Variants in ATRNL1 observed in about 807,000 individuals in gnomAD.
ATRNL1 encodes the protein attractin like 1.
ATRNL1 carries 95 observed loss-of-function variants against 182.7 expected under a neutral mutation model. The ratio of observed to expected loss-of-function variants is 0.52; its 90% CI spans 0.44 to 0.62. The LOEUF (loss-of-function observed/expected upper bound fraction) is 0.62, where lower values mean the gene tolerates loss of function less well. Among genes scored for constraint, ATRNL1 ranks in the 20% least tolerant of loss-of-function variants. ATRNL1 has a pLI of 0.00. For missense variants in ATRNL1, 1,471 were observed against 1,679.5 expected, an observed-to-expected ratio of 0.88 and a Z score of 2.17; for synonymous variants, 576 against 568.3, an observed-to-expected ratio of 1.01 and a Z score of -0.19.
In ATRNL1 at chr10:115,523,420, C is replaced by T. The variant is rs186714198; in HGVS notation, c.3716+4096C>T. On this transcript the variant is annotated intron_variant, in intron 25 of 28. Transcript: ENST00000355044. ...CTTTCTTTAACAAGTGTTTGCTACCCCAGCACTCTTCTGAAAACACTCTTT... is the reference window on the plus strand; with the variant it reads ...CTTTCTTTAACAAGTGTTTGCTACCTCAGCACTCTTCTGAAAACACTCTTT... 2.2e-3 allele frequency among the ~76,000 whole-genome samples: 332 copies of T among 152,208 alleles called. 1 individual carries two copies. Among genetic ancestry groups the T allele is most frequent in the African/African-American group, 7.8e-3 (323 of 41,540 alleles).
intron 23 of ATRNL1, 112 bp from the exon 24 acceptor site, chr10:115,469,060 G>T: frequency 2.6e-6 from 1 of 380,280 alleles, no homozygotes; most frequent in Non-Finnish European, 4.6e-6. Context: ...ATTATAAACA[G>T]TATATTTTGA....
chr10:115,438,345 C>A (rs781833084), intron 21 of ATRNL1, among the ~76,000 whole-genome samples: 1 of 151,870 alleles, frequency 6.6e-6, no homozygotes, highest in Non-Finnish European at 1.5e-5. Flanking sequence ...ACATTATTTC[C>A]TGCAGATTTT....
At chr10:115,369,258 G>A (rs1323329763) in intron 19 of ATRNL1, among the ~76,000 whole-genome samples, 3 of 148,340 alleles carry the variant, frequency 2.0e-5, no homozygotes, top group African/African-American at 7.5e-5. Context: ...GATAGGGGTT[G>A]TGTGAGGGGG....
rs1230881207 is a variant in ATRNL1, at chr10:115,646,806, TA to T, written c.3796-80441del. Among the ~76,000 whole-genome samples the T allele has an allele frequency of 4.6e-5, 7 of 152,192 alleles. No individual in the cohort carries two copies. The East Asian group carries it at 1.4e-3, about 29-fold the overall frequency. ...CTAAATAGCATGTATGAATTTTTTT[TA>T]TTATACTTTAAGTTCTAGGGTACAT... is the stretch of plus-strand genomic sequence containing the variant. On this transcript the variant is annotated intron_variant, in intron 26 of 28. Transcript: ENST00000355044.
chr10:115,135,925 T>G (rs1378586707), intron 5 of ATRNL1, among the ~76,000 whole-genome samples: 2 of 80,180 alleles, frequency 2.5e-5, no homozygotes, highest in African/African-American at 8.3e-5. Context: ...AGTGGCATGA[T>G]CGCAGCTCTT....
At chr10:115,108,382 G>C (rs1554866751) in intron 1 of ATRNL1, among the ~76,000 whole-genome samples, 1 of 152,162 alleles carries the variant, frequency 6.6e-6, no homozygotes, top group African/African-American at 2.4e-5. Context: ...GGTTTAATAG[G>C]TAGAAGATAA....
At chr10:115,158,978 T>G (rs773627070) in intron 5 of ATRNL1, among the ~76,000 whole-genome samples, 29 of 151,686 alleles carry the variant, frequency 1.9e-4, no homozygotes, top group Non-Finnish European at 4.0e-4. Context: ...TTTAAAAGAT[T>G]TGTAAAAAGT....
chr10:115,877,253 A>C (rs1555107467), intron 28 of ATRNL1, among the ~76,000 whole-genome samples: 32 of 152,192 alleles, frequency 2.1e-4, no homozygotes. Context: ...GTGAAAAGAG[A>C]TATCACTTCT....
At chr10:115,151,711 T>A (rs1846240998) in intron 5 of ATRNL1, among the ~76,000 whole-genome samples, 1 of 151,560 alleles carries the variant, frequency 6.6e-6, no homozygotes, top group African/African-American at 2.4e-5. Context: ...GTGCAGAAGC[T>A]GTTTAGTTAG....
At chr10:115,206,844 A>G (rs1300900043) in intron 8 of ATRNL1, among the ~76,000 whole-genome samples, 1 of 151,924 alleles carries the variant, frequency 6.6e-6, no homozygotes, top group Non-Finnish European at 1.5e-5. Flanking sequence ...CCAGCCCCTC[A>G]CCTGCCGACA....
intron 27 of ATRNL1, among the ~76,000 whole-genome samples, chr10:115,780,751 G>A (rs1474525175): frequency 6.6e-6 from 1 of 152,112 alleles, no homozygotes; most frequent in Non-Finnish European, 1.5e-5. Context: ...TCCAGGCCAG[G>A]CAAGATTCAT....
intron 28 of ATRNL1, among the ~76,000 whole-genome samples, chr10:115,862,630 G>A (rs1380533515): frequency 5.3e-5 from 8 of 152,322 alleles, no homozygotes; most frequent in South Asian, 4.1e-4. Context: ...AACCGTGTTG[G>A]AGGGGAATTT....
intron 19 of ATRNL1, among the ~76,000 whole-genome samples, chr10:115,385,805 G>C (rs1244071448): frequency 1.3e-5 from 2 of 152,036 alleles, no homozygotes; most frequent in Non-Finnish European, 2.9e-5. Context: ...AGCACCATTT[G>C]TTGAAATGGC....
intron 26 of ATRNL1, among the ~76,000 whole-genome samples, chr10:115,706,418 T>G (rs545007377): frequency 1.1e-4 from 17 of 151,840 alleles, no homozygotes; most frequent in Non-Finnish European, 1.8e-4. Context: ...ATCTGCAAAG[T>G]CTCTTTTGCC....
At position 115,302,026 on chromosome 10, in the gene ATRNL1, AAAC is replaced by A; in HGVS notation, c.2802_2804del (p.Gln934_Thr935delinsHis). On this transcript the variant is annotated inframe_deletion, in exon 17 of 29. Transcript: ENST00000355044. ...CCATATGGACAATGTCTAGAGTGGC[AAAC>A]TGCCACCTGCTCCCGTAAGTATTTA... 3 of 1,612,666 alleles carry A rather than the reference AAAC, an allele frequency of 1.9e-6. No individual in the cohort carries two copies. The highest frequency in any genetic ancestry group is 2.5e-6 in the Non-Finnish European group (3 of 1,179,406).
chr10:115,130,007 A>G (rs1175415904), intron 5 of ATRNL1, among the ~76,000 whole-genome samples: 1 of 152,212 alleles, frequency 6.6e-6, no homozygotes, highest in Non-Finnish European at 1.5e-5. Flanking sequence ...GACTATTTTT[A>G]AAAGTATTTT....
chr10:115,248,312 A>C (rs1425359053), intron 10 of ATRNL1, among the ~76,000 whole-genome samples: 2 of 152,172 alleles, frequency 1.3e-5, no homozygotes, highest in Non-Finnish European at 2.9e-5. Context: ...CTCAGTAAAA[A>C]ATGTAAAAAA....
intron 26 of ATRNL1, among the ~76,000 whole-genome samples, chr10:115,554,135 T>C (rs1386487729): frequency 6.6e-6 from 1 of 151,588 alleles, no homozygotes; most frequent in Non-Finnish European, 1.5e-5. Context: ...AAGCTTTCCA[T>C]TAAACACATG....
At chr10:115,542,691 G>A (rs1034491907) in intron 25 of ATRNL1, among the ~76,000 whole-genome samples, 2 of 152,152 alleles carry the variant, frequency 1.3e-5, no homozygotes, top group African/African-American at 2.4e-5. Flanking sequence ...GTCTTAGTGT[G>A]CTTGGGCTGC....
Sources: gnomAD v4.1 joint callset for allele counts (sites outside exome capture counted in the v4.1 genomes callset) on GRCh38, gnomAD v4.1.1 for gene constraint, MANE v1.5 for transcripts, NCBI Gene and HGNC (gene_info 2026-07-23, HGNC 2026-07-21) for gene names.